NALF1: variants seen among roughly 807,000 people sequenced by gnomAD.
NALF1 encodes the protein NALCN channel auxiliary factor 1.
Under a neutral mutation model 48.4 loss-of-function variants are expected in NALF1, and 3 were observed. That is an observed-to-expected ratio of 0.06 (90% CI 0.03 to 0.16). The LOEUF (loss-of-function observed/expected upper bound fraction) is 0.16, where lower values mean the gene tolerates loss of function less well. Among genes scored for constraint, NALF1 ranks in the 10% least tolerant of loss-of-function variants. The pLI, the probability that NALF1 is intolerant of heterozygous loss-of-function variation, is 1.00. For synonymous variants in NALF1, 262 were observed against 245.7 expected (o/e 1.07, Z -0.62); for missense variants, 526 against 571.5 (o/e 0.92, Z 0.81).
intron 1 of NALF1, among the ~76,000 whole-genome samples, chr13:107,389,001 C>A (rs946300503): frequency 6.6e-6 from 1 of 152,168 alleles, no homozygotes; most frequent in Non-Finnish European, 1.5e-5. Context: ...CAGCAGAATG[C>A]AATTCTCAGG....
intron 1 of NALF1, among the ~76,000 whole-genome samples, chr13:107,555,800 A>C (rs1877454891): frequency 6.6e-6 from 1 of 152,120 alleles, no homozygotes; most frequent in African/African-American, 2.4e-5. Flanking sequence ...TTCAAATAAA[A>C]AACAAAATAT....
intron 1 of NALF1, among the ~76,000 whole-genome samples, chr13:107,663,592 A>G (rs1159914564): frequency 6.6e-6 from 1 of 152,198 alleles, no homozygotes; most frequent in African/African-American, 2.4e-5. Context: ...CTCATACCAC[A>G]GTTAAACCAT....
intron 1 of NALF1, among the ~76,000 whole-genome samples, chr13:107,558,636 G>A (rs958145164): frequency 1.3e-5 from 2 of 152,150 alleles, no homozygotes; most frequent in Admixed American, 6.6e-5. Context: ...GAAGACATCC[G>A]GTGGTAGTAA....
intron 1 of NALF1, among the ~76,000 whole-genome samples, chr13:107,606,524 C>A (rs1879075472): frequency 1.3e-5 from 2 of 151,940 alleles, no homozygotes; most frequent in Non-Finnish European, 2.9e-5. Flanking sequence ...AGCCACAGTG[C>A]CCAGCTAATT....
intron 1 of NALF1, among the ~76,000 whole-genome samples, chr13:107,548,198 C>A (rs987016211): frequency 1.3e-5 from 2 of 152,080 alleles, no homozygotes; most frequent in South Asian, 2.1e-4. Context: ...ATTTAGCTCC[C>A]ACTTATAAGT....
intron 1 of NALF1, among the ~76,000 whole-genome samples, chr13:107,505,470 C>T (rs1257075928): frequency 1.3e-5 from 2 of 152,068 alleles, no homozygotes; most frequent in African/African-American, 4.8e-5. Flanking sequence ...CTGCAGTGGT[C>T]CTGGTGAGAG....
chr13:107,615,757 T>A (rs1566416326), intron 1 of NALF1, among the ~76,000 whole-genome samples: 1 of 152,232 alleles, frequency 6.6e-6, no homozygotes, highest in Non-Finnish European at 1.5e-5. Context: ...TAGGTAGGCA[T>A]TCTTCTAGGT....
chr13:107,427,471 TAAG>T (rs1426918790), intron 1 of NALF1, among the ~76,000 whole-genome samples: 1 of 152,112 alleles, frequency 6.6e-6, no homozygotes, highest in Admixed American at 6.5e-5. Context: ...TTTTATTTCT[TAAG>T]AAGAACTTCT....
At chr13:107,234,612 G>T (rs2138828474) in intron 1 of NALF1, among the ~76,000 whole-genome samples, 2 of 152,126 alleles carry the variant, frequency 1.3e-5, no homozygotes, top group Admixed American at 6.5e-5. Context: ...GAGATCATCT[G>T]CTCTCCCTCA....
At chr13:107,604,723 A>G (rs879934422) in intron 1 of NALF1, among the ~76,000 whole-genome samples, 2 of 152,144 alleles carry the variant, frequency 1.3e-5, no homozygotes, top group Admixed American at 6.5e-5. Context: ...CTTATCTCAG[A>G]ATAATTTCTG....
chr13:107,684,214 G>A (rs1457251334), intron 1 of NALF1, among the ~76,000 whole-genome samples: 1 of 152,182 alleles, frequency 6.6e-6, no homozygotes, highest in Non-Finnish European at 1.5e-5. Flanking sequence ...ACTTCACAAA[G>A]GGTGCAGGGG....
intron 1 of NALF1, among the ~76,000 whole-genome samples, chr13:107,720,510 C>CAAAAA (rs56380251): frequency 0.012 from 694 of 59,484 alleles, 60 homozygotes; most frequent in African/African-American, 0.026. Context: ...GACTGCATCT[C>CAAAAA]AAAAAAAAAA....
intron 2 of NALF1, among the ~76,000 whole-genome samples, chr13:107,182,603 T>A (rs567681602): frequency 3.3e-5 from 5 of 152,300 alleles, no homozygotes; most frequent in African/African-American, 9.6e-5. Context: ...TATTTTTTCA[T>A]AATTTGTGAA....
At chr13:107,749,785 T>C (rs1408231972) in intron 1 of NALF1, among the ~76,000 whole-genome samples, 1 of 151,802 alleles carries the variant, frequency 6.6e-6, no homozygotes, top group African/African-American at 2.4e-5. Flanking sequence ...TTTTACTGTA[T>C]CAGTTTGGTT....
chr13:107,206,948 C>CT (rs1378745043), intron 2 of NALF1, among the ~76,000 whole-genome samples: 1 of 152,164 alleles, frequency 6.6e-6, no homozygotes, highest in Non-Finnish European at 1.5e-5. Context: ...GTAGGAAAAC[C>CT]ATTATAATTA....
chr13:107,271,783 T>C (rs1881172236), intron 1 of NALF1, among the ~76,000 whole-genome samples: 1 of 52,962 alleles, frequency 1.9e-5, no homozygotes, highest in African/African-American at 7.0e-5. Flanking sequence ...ACTATATATA[T>C]ATATATATAT....
chr13:107,769,690 T>TAA (rs71121554), intron 1 of NALF1, among the ~76,000 whole-genome samples: 13,071 of 146,936 alleles, frequency 0.089, 679 homozygotes, highest in East Asian at 0.16. Flanking sequence ...TAAAGTATAA[T>TAA]AAAAAAAAAA....
intron 1 of NALF1, among the ~76,000 whole-genome samples, chr13:107,246,215 A>C (rs1016588465): frequency 1.3e-5 from 2 of 152,212 alleles, no homozygotes. Flanking sequence ...CCTTACAACG[A>C]TAACAACAAC....
chr13:107,851,039 T>C (rs1419841127), intron 1 of NALF1, among the ~76,000 whole-genome samples: 1 of 152,250 alleles, frequency 6.6e-6, no homozygotes, highest in East Asian at 1.9e-4. Flanking sequence ...GGAAGTTATC[T>C]GAATAAGATC....
Sources: allele counts gnomAD v4.1 joint callset (sites outside exome capture counted in the v4.1 genomes callset), GRCh38; gene constraint gnomAD v4.1.1; transcripts MANE v1.5; gene names NCBI Gene and HGNC (gene_info 2026-07-23, HGNC 2026-07-21).